The following OSBPL6 variants were observed in gnomAD, a reference collection of about 807,000 sequenced individuals.
OSBPL6 encodes oxysterol-binding protein-related protein 6.
In OSBPL6, 49 loss-of-function variants were observed where a neutral mutation model predicts 125.8. The ratio of observed to expected loss-of-function variants is 0.39; its 90% CI spans 0.31 to 0.49. The LOEUF (loss-of-function observed/expected upper bound fraction) is 0.49. Among genes scored for constraint, OSBPL6 ranks in the 20% least tolerant of loss-of-function variants. OSBPL6 has a pLI of 0.88. For missense variants in OSBPL6, 986 were observed against 1,135.4 expected (o/e 0.87, Z 1.89); for synonymous variants, 394 against 391.8 (o/e 1.01, Z -0.07).
At chr2:178,218,009 G>GT (rs1160218719) in intron 1 of OSBPL6, among the ~76,000 whole-genome samples, 1 of 152,192 alleles carries the variant, frequency 6.6e-6, no homozygotes, top group African/African-American at 2.4e-5. Flanking sequence ...GTTCAATAGG[G>GT]TTTTTGAGTG....
At chr2:178,320,343 G>T in intron 3 of OSBPL6, 5 of 1,612,966 alleles carry the variant, frequency 3.1e-6, no homozygotes, top group Non-Finnish European at 4.2e-6. Flanking sequence ...TGTGTTCCAG[G>T]TTCCTGGTTT....
In OSBPL6 at chr2:178,373,903, T is replaced by C; in HGVS notation, c.1409T>C (p.Ile470Thr). The change falls in exon 15 of 25, where the codon ATC (isoleucine) becomes ACC (threonine). Residue 470 changes from isoleucine to threonine, a missense_variant. Around this residue, in one of 3 missense-constraint regions of OSBPL6, gnomAD observed 843 missense variants for 997.3 expected, o/e 0.85. Coordinates refer to ENST00000190611, the MANE Select transcript of OSBPL6 (RefSeq NM_032523.4). ...IPSPDEAGEQ[I>T]HVSLPLSQQV... ...TGTCTTCTGCAGGCTGGTGAGCAAA[T>C]CCATGTCAGTCTCCCCTTATCACAG... The C allele has an allele frequency of 6.2e-7, 1 of 1,614,080 alleles. No individual in the cohort carries two copies. Among genetic ancestry groups the C allele is most frequent in the Non-Finnish European group, 8.5e-7 (1 of 1,179,982 alleles).
chr2:178,195,370 G>A (rs531018170), intron 1 of OSBPL6, among the ~76,000 whole-genome samples: 2 of 152,220 alleles, frequency 1.3e-5, no homozygotes, highest in Non-Finnish European at 2.9e-5. Context: ...CAGTCAAGAC[G>A]TGCTTCCCCT....
chr2:178,363,681 G>T (rs1692557871), intron 13 of OSBPL6, among the ~76,000 whole-genome samples: 1 of 152,106 alleles, frequency 6.6e-6, no homozygotes, highest in Non-Finnish European at 1.5e-5. Flanking sequence ...GTAAAATAAA[G>T]CAAAATTTGA....
intron 4 of OSBPL6, among the ~76,000 whole-genome samples, chr2:178,326,573 A>C (rs530510060): frequency 3.8e-4 from 58 of 152,346 alleles, no homozygotes; most frequent in African/African-American, 1.3e-3. Context: ...CTAAGTATAG[A>C]GGGAGAAATT....
intron 1 of OSBPL6, among the ~76,000 whole-genome samples, chr2:178,273,831 A>C (rs975055414): frequency 3.3e-5 from 5 of 152,180 alleles, no homozygotes; most frequent in Admixed American, 1.3e-4. Context: ...GCATACACTT[A>C]TTTTGATTTG....
At chr2:178,200,594 T>A (rs2089195230) in intron 1 of OSBPL6, among the ~76,000 whole-genome samples, 1 of 152,052 alleles carries the variant, frequency 6.6e-6, no homozygotes. Flanking sequence ...ATGATGTAAC[T>A]TTCTTCCTTT....
chr2:178,385,674 T>C (rs1033798198), intron 19 of OSBPL6, among the ~76,000 whole-genome samples, 153 bp downstream of exon 19: 2 of 152,240 alleles, frequency 1.3e-5, no homozygotes, highest in African/African-American at 4.8e-5. Flanking sequence ...GAAATCAAAA[T>C]TCCTGGTTTC....
chr2:178,341,118 C>G (rs1690153398), intron 11 of OSBPL6, among the ~76,000 whole-genome samples: 1 of 152,132 alleles, frequency 6.6e-6, no homozygotes, highest in African/African-American at 2.4e-5. Context: ...AATCATTCCT[C>G]TAAATAAAAT....
At chr2:178,340,256 G>T (rs1030731) in intron 11 of OSBPL6, among the ~76,000 whole-genome samples, 11,057 of 152,004 alleles carry the variant, frequency 0.073, 510 homozygotes, top group Non-Finnish European at 0.11. Flanking sequence ...GTATAATTTC[G>T]TACATTTCTG....
intron 13 of OSBPL6, among the ~76,000 whole-genome samples, chr2:178,366,081 G>A (rs542779368): frequency 1.3e-5 from 2 of 152,200 alleles, no homozygotes; most frequent in South Asian, 2.1e-4. Context: ...TAATAGAGAT[G>A]GGATTTCACC....
chr2:178,265,653 C>T (rs1292113446), intron 1 of OSBPL6, among the ~76,000 whole-genome samples: 1 of 152,146 alleles, frequency 6.6e-6, no homozygotes, highest in Non-Finnish European at 1.5e-5. Flanking sequence ...GGAAGCATGG[C>T]AGCCTTTTGG....
chr2:178,225,383 G>A (rs1036002679), intron 1 of OSBPL6, among the ~76,000 whole-genome samples: 6 of 152,194 alleles, frequency 3.9e-5, no homozygotes, highest in Admixed American at 3.3e-4. Flanking sequence ...TACAGTAGTT[G>A]AAATTGGCAC....
intron 3 of OSBPL6, among the ~76,000 whole-genome samples, chr2:178,315,795 C>T (rs1010429967): frequency 1.3e-5 from 2 of 152,150 alleles, no homozygotes; most frequent in African/African-American, 4.8e-5. Context: ...ATTCAGTAGG[C>T]CCTTGAAAAG....
chr2:178,387,719 T>C (rs1559326777), intron 20 of OSBPL6, among the ~76,000 whole-genome samples: 1 of 152,154 alleles, frequency 6.6e-6, no homozygotes. Flanking sequence ...TATTTGAACA[T>C]GTAGGCCAGG....
At chr2:178,225,039 G>GTA (rs2153973786) in intron 1 of OSBPL6, among the ~76,000 whole-genome samples, 1 of 152,018 alleles carries the variant, frequency 6.6e-6, no homozygotes, top group African/African-American at 2.4e-5. Context: ...GTGTGTGTGT[G>GTA]TGTGTTTAAC....
chr2:178,396,420 G>A lies in OSBPL6; in HGVS notation c.*861G>A, dbSNP rs1057245299. On this transcript the variant is annotated 3_prime_UTR_variant, in exon 25 of 25. Transcript: ENST00000190611. ...TCCCTCTTCCACCTAACCTCACAGT[G>A]TGCCCTATTATTTGGAAAAATCTGT... is the stretch of plus-strand genomic sequence containing the variant. 6.6e-5 allele frequency: 10 copies of A among 152,164 alleles called. No individual in the cohort carries two copies. Among genetic ancestry groups the A allele is most frequent in the African/African-American group, 1.9e-4 (8 of 41,424 alleles). 9.4% of individuals were successfully genotyped at this position (152,164 alleles called of 1,614,324 possible). A position where few individuals can be genotyped will look rare whatever the true frequency, so the allele number is the denominator to read the frequency against.
intron 2 of OSBPL6, among the ~76,000 whole-genome samples, chr2:178,300,455 T>C (rs1347229462): frequency 1.3e-5 from 2 of 152,256 alleles, no homozygotes; most frequent in Non-Finnish European, 2.9e-5. Flanking sequence ...CTGCTTTTTT[T>C]GTCTGTTTAC....
intron 1 of OSBPL6, among the ~76,000 whole-genome samples, chr2:178,232,139 A>G (rs1052543004): frequency 2.0e-5 from 3 of 152,152 alleles, no homozygotes; most frequent in East Asian, 1.9e-4. Context: ...AGCTTTTCCT[A>G]TACATTTTTC....
Sources: allele counts gnomAD v4.1 joint callset (sites outside exome capture counted in the v4.1 genomes callset), GRCh38; gene constraint gnomAD v4.1.1; regional missense constraint gnomAD v4.1.1; transcripts MANE v1.5; gene names NCBI Gene and HGNC (gene_info 2026-07-23, HGNC 2026-07-21).